The following NRXN1 variants were observed in gnomAD, a reference collection of about 807,000 sequenced individuals.
The protein encoded by NRXN1 is neurexin 1, also known as neurexin-1.
NRXN1 carries 39 observed loss-of-function variants against 150.9 expected under a neutral mutation model. The ratio of observed to expected loss-of-function variants is 0.26; its 90% CI spans 0.20 to 0.34. NRXN1 has a LOEUF of 0.34. Among genes scored for constraint, NRXN1 ranks in the 10% least tolerant of loss-of-function variants. The pLI is 1.00. For synonymous variants in NRXN1, 924 were observed against 757.0 expected, an observed-to-expected ratio of 1.22 and a Z score of -3.62; for missense variants, 1,815 against 1,949.9, an observed-to-expected ratio of 0.93 and a Z score of 1.30.
intron 2 of NRXN1, among the ~76,000 whole-genome samples, chr2:51,024,217 T>A (rs1254848019): frequency 1.3e-5 from 2 of 152,094 alleles, no homozygotes; most frequent in Non-Finnish European, 2.9e-5. Flanking sequence ...ATGAAATGAA[T>A]ATAAAAAAGC....
chr2:50,624,209 G>A (rs1680578330), intron 5 of NRXN1, among the ~76,000 whole-genome samples: 3 of 152,104 alleles, frequency 2.0e-5, no homozygotes. Flanking sequence ...AATACTAGGT[G>A]GCAGTATGTT....
chr2:49,928,274 T>C (rs1207138283), intron 22 of NRXN1, among the ~76,000 whole-genome samples: 1 of 151,250 alleles, frequency 6.6e-6, no homozygotes, highest in Non-Finnish European at 1.5e-5. Flanking sequence ...AAAAAAAAAC[T>C]CTTGGCAAGA....
intron 17 of NRXN1, among the ~76,000 whole-genome samples, chr2:50,387,316 T>C (rs2081391329): frequency 6.6e-6 from 1 of 152,032 alleles, no homozygotes; most frequent in Admixed American, 6.6e-5. Context: ...GACTTCAGGG[T>C]GGGTGGGGTA....
intron 15 of NRXN1, among the ~76,000 whole-genome samples, chr2:50,479,230 T>C (rs1432189997): frequency 6.6e-6 from 1 of 152,216 alleles, no homozygotes; most frequent in Non-Finnish European, 1.5e-5. Context: ...TCAAACTTTG[T>C]TGGCAGCCTT....
intron 5 of NRXN1, among the ~76,000 whole-genome samples, chr2:50,870,409 C>G (rs182263029): frequency 6.6e-6 from 1 of 151,854 alleles, no homozygotes; most frequent in South Asian, 2.1e-4. Context: ...GGGATCCCCC[C>G]GCCTCAGCCT....
In NRXN1 at chr2:50,053,438, C is replaced by T. The variant is rs1183751437; in HGVS notation, c.3961G>A (p.Val1321Met). The T allele has an allele frequency of 6.2e-7, 1 of 1,614,018 alleles. No individual in the cohort carries two copies. The highest frequency in any genetic ancestry group is 8.5e-7 in the Non-Finnish European group (1 of 1,179,926). ...AAENDANIAI[V>M]GNVRLVGEVP... ...TCACCAACCAGTCTCACATTTCCCA[C>T]TATGGCGATGTTGGCATCGTTTTCG... The change falls in exon 21 of 23, where the codon GTG (valine) becomes ATG (methionine). Residue 1321 changes from valine to methionine, a missense_variant. Physicochemically the swap from Val to Met is conservative, Grantham distance 21 (BLOSUM62 1). Coordinates refer to ENST00000401669, the MANE Select transcript of NRXN1 (RefSeq NM_001330078.2).
At chr2:49,986,466 T>C (rs929586158) in intron 21 of NRXN1, among the ~76,000 whole-genome samples, 9 of 152,242 alleles carry the variant, frequency 5.9e-5, no homozygotes, top group Admixed American at 2.6e-4. Flanking sequence ...ATCTTTTCAA[T>C]ATCTTTTAAA....
At chr2:50,178,483 T>C (rs1329059782) in intron 18 of NRXN1, among the ~76,000 whole-genome samples, 1 of 152,070 alleles carries the variant, frequency 6.6e-6, no homozygotes, top group Non-Finnish European at 1.5e-5. Context: ...ATTTGAGACA[T>C]ACTGCCCACA....
At chr2:50,656,537 A>G in intron 5 of NRXN1, 1 of 584,324 alleles carries the variant, frequency 1.7e-6, no homozygotes, top group Non-Finnish European at 3.1e-6. Context: ...CCCCTAAATA[A>G]TATTTATTTT....
intron 8 of NRXN1, among the ~76,000 whole-genome samples, chr2:50,553,956 G>A (rs1667872501): frequency 6.6e-6 from 1 of 152,112 alleles, no homozygotes; most frequent in South Asian, 2.1e-4. Context: ...GATAAAGAGA[G>A]AAGGACACCT....
intron 4 of NRXN1, 97 bp from the exon 5 acceptor site, chr2:50,921,977 AG>A: frequency 5.1e-6 from 3 of 584,386 alleles, no homozygotes; most frequent in Non-Finnish European, 8.5e-6. Flanking sequence ...ACATATGTAA[AG>A]CCACTACTCT....
Position 50,489,211 on chromosome 2 carries a change from G to A in NRXN1, c.3070+6694C>T, listed in dbSNP as rs72878395. On this transcript the variant is annotated intron_variant, in intron 15 of 22. Coordinates refer to ENST00000401669, the MANE Select transcript of NRXN1 (RefSeq NM_001330078.2). ...GGCTGTTCCAAGCATGGAAGCCAAG[G>A]CCTGTGGCTGTCAGAGTTCAGCTAG... is the stretch of plus-strand genomic sequence containing the variant. Among the ~76,000 whole-genome samples, 476 of 152,288 alleles carry A rather than the reference G, an allele frequency of 3.1e-3. 2 individuals carry two copies. The highest frequency in any genetic ancestry group is 0.011 in the African/African-American group (461 of 41,564).
In NRXN1 at chr2:50,945,915, C is replaced by CA. The variant is rs1028121200; in HGVS notation, c.773-19961dup. Among the ~76,000 whole-genome samples, 32 of 137,602 alleles carry CA rather than the reference C, an allele frequency of 2.3e-4. 1 individual carries two copies. In the South Asian group the frequency reaches 4.2e-3, roughly 18 times the overall value. The allele number at this position is 137,602 out of a possible 152,430, so 90.3% of individuals were successfully genotyped here. ...ATATATATATACACACACACACACA[C>CA]ACACACATCTTTACTTGTAAAGTAT... On this transcript the variant is annotated intron_variant, in intron 2 of 22. Coordinates refer to ENST00000401669, the MANE Select transcript of NRXN1 (RefSeq NM_001330078.2).
chr2:50,605,525 A>G (rs1676954909), intron 8 of NRXN1, among the ~76,000 whole-genome samples: 1 of 152,214 alleles, frequency 6.6e-6, no homozygotes, highest in South Asian at 2.1e-4. Flanking sequence ...ACAGGTATGT[A>G]AAAAGATACC....
chr2:50,144,442 GA>G (rs1303823568), intron 18 of NRXN1, among the ~76,000 whole-genome samples: 2 of 151,676 alleles, frequency 1.3e-5, no homozygotes, highest in African/African-American at 4.8e-5. Flanking sequence ...CTAGGGGGGA[GA>G]AACAGTGTCA....
intron 17 of NRXN1, among the ~76,000 whole-genome samples, chr2:50,342,849 C>G (rs1198358039): frequency 1.3e-5 from 2 of 152,232 alleles, no homozygotes; most frequent in East Asian, 3.8e-4. Flanking sequence ...CTCTTTGACT[C>G]TGATCAGACA....
At chr2:50,095,982 T>A (rs1700173359) in intron 18 of NRXN1, among the ~76,000 whole-genome samples, 1 of 125,470 alleles carries the variant, frequency 8.0e-6, no homozygotes, top group Non-Finnish European at 1.6e-5. Context: ...TTCCCCTTCC[T>A]GTGTCCAAGT....
intron 17 of NRXN1, among the ~76,000 whole-genome samples, chr2:50,296,549 T>C (rs2073595782): frequency 6.6e-6 from 1 of 151,182 alleles, no homozygotes; most frequent in Non-Finnish European, 1.5e-5. Context: ...TTATTATTAT[T>C]ACTTGAACTC....
chr2:50,428,998 G>A (rs1045896350), intron 17 of NRXN1, among the ~76,000 whole-genome samples: 2 of 152,060 alleles, frequency 1.3e-5, no homozygotes, highest in African/African-American at 2.4e-5. Flanking sequence ...TAAAACCTAG[G>A]TCTACATTCT....
Sources: gnomAD v4.1 joint callset for allele counts (sites outside exome capture counted in the v4.1 genomes callset) on GRCh38, gnomAD v4.1.1 for gene constraint, MANE v1.5 for transcripts, NCBI Gene and HGNC (gene_info 2026-07-23, HGNC 2026-07-21) for gene names.